COPB1: variants seen among roughly 807,000 people sequenced by gnomAD.
The protein encoded by COPB1 is coat protein complex I subunit beta 1, also known as coatomer subunit beta.
A neutral mutation model predicts 108.7 loss-of-function variants in COPB1; 21 were observed. The ratio of observed to expected loss-of-function variants is 0.19; its 90% confidence interval spans 0.14 to 0.28. The LOEUF is 0.28. Among genes scored for constraint, COPB1 ranks in the 10% least tolerant of loss-of-function variants. The pLI is 1.00. For synonymous variants in COPB1, 378 were observed against 386.8 expected (o/e 0.98, Z 0.27); for missense variants, 919 against 1,141.3 (o/e 0.81, Z 2.81).
intron 13 of COPB1, 70 bp downstream of exon 13, chr11:14,475,715 T>C (rs1850505921): frequency 1.5e-6 from 2 of 1,339,928 alleles, no homozygotes; most frequent in African/African-American, 1.5e-5. Flanking sequence ...AAGAAATCAT[T>C]TGACTGTCTT....
At chr11:14,474,805 C>G (rs1850483587) in intron 13 of COPB1, among the ~76,000 whole-genome samples, 190 bp from the exon 14 acceptor site, 1 of 152,068 alleles carries the variant, frequency 6.6e-6, no homozygotes, top group Non-Finnish European at 1.5e-5. Flanking sequence ...GACTTTAAAA[C>G]TTATCTTTGG....
At chr11:14,477,754 T>C (rs1429588266) in intron 11 of COPB1, among the ~76,000 whole-genome samples, 1 of 151,840 alleles carries the variant, frequency 6.6e-6, no homozygotes, top group East Asian at 1.9e-4. Flanking sequence ...AAAAATTTGC[T>C]GGATGCAGTG....
At chr11:14,460,321 A>G (rs1850116056) in intron 19 of COPB1, 24 bp from the exon 20 acceptor site, 4 of 1,425,902 alleles carry the variant, frequency 2.8e-6, no homozygotes. Context: ...AAAAAAGTCA[A>G]GGAGATCATA....
intron 4 of COPB1, 84 bp from the exon 5 acceptor site, chr11:14,490,763 AT>A: frequency 1.4e-6 from 1 of 709,118 alleles, no homozygotes; most frequent in Non-Finnish European, 2.3e-6. Context: ...CCAAAATTAA[AT>A]TTAATCAAAC....
intron 20 of COPB1, among the ~76,000 whole-genome samples, chr11:14,459,068 C>G (rs1316912247): frequency 2.0e-5 from 3 of 152,020 alleles, no homozygotes; most frequent in Non-Finnish European, 4.4e-5. Context: ...ACGCCCAGCC[C>G]CATTGGTTAT....
In COPB1 at chr11:14,482,885, T is replaced by C. The variant is rs1169820177; in HGVS notation, c.957+147A>G. 10 of 625,786 alleles carry C rather than the reference T, an allele frequency of 1.6e-5. No individual in the cohort carries two copies. The Middle Eastern group carries it at 1.0e-3, about 64-fold the overall frequency. The allele number at this position is 625,786 out of a possible 1,614,324, so 38.8% of individuals were successfully genotyped here. Reference sequence around the variant, plus strand: ...AAGATAATACCCCAAAAGGCTATGATGACTCAATAGTTAACACTTTAGCTG... The same window carrying C: ...AAGATAATACCCCAAAAGGCTATGACGACTCAATAGTTAACACTTTAGCTG... On this transcript the variant is annotated intron_variant, in intron 8 of 21. Coordinates refer to ENST00000439561, the MANE Select transcript of COPB1 (RefSeq NM_001144061.2).
At chr11:14,478,011 CA>C (rs1850566426) in intron 11 of COPB1, among the ~76,000 whole-genome samples, 2 of 140,468 alleles carry the variant, frequency 1.4e-5, no homozygotes, top group Admixed American at 7.0e-5. Flanking sequence ...GTCTCAATAA[CA>C]AAAAAACAAA....
chr11:14,498,036 T>C (rs1264802174), intron 2 of COPB1, among the ~76,000 whole-genome samples: 1 of 151,682 alleles, frequency 6.6e-6, no homozygotes, highest in Non-Finnish European at 1.5e-5. Context: ...TTATCAGAGG[T>C]GGGAAGGGTA....
chr11:14,481,133 T>C, intron 8 of COPB1, 36 bp from the exon 9 acceptor site: 1 of 1,505,190 alleles, frequency 6.6e-7, no homozygotes, highest in Non-Finnish European at 9.1e-7. Flanking sequence ...TTAACACCAA[T>C]CTTTCTGGTC....
chr11:14,473,015 C>T (rs1850441018), intron 14 of COPB1, among the ~76,000 whole-genome samples: 1 of 152,086 alleles, frequency 6.6e-6, no homozygotes, highest in South Asian at 2.1e-4. Flanking sequence ...TGTTCTGTCT[C>T]CCAGGCTGGA....
At position 14,486,586 on chromosome 11, in the gene COPB1, TG is replaced by T. The variant is rs1850781709; in HGVS notation, c.700-83del. On this transcript the variant is annotated intron_variant, in intron 6 of 21. Transcript: ENST00000439561. The stretch of plus-strand genomic sequence containing the variant: ...GAGTTTTTTCATGAATGTCAGCTTA[TG>T]GGATGCTAGTTTTCTCAATATGAAA... 38 of 1,533,914 alleles carry T rather than the reference TG, an allele frequency of 2.5e-5. No individual in the cohort carries two copies. In the South Asian group the frequency reaches 4.5e-4, roughly 18 times the overall value.
At chr11:14,457,962 AT>A in intron 21 of COPB1, 79 bp from the exon 22 acceptor site, 1 of 763,712 alleles carries the variant, frequency 1.3e-6, no homozygotes, top group Non-Finnish European at 2.0e-6. Flanking sequence ...TTAAGCCCCA[AT>A]TCAATTCAAT....
chr11:14,474,572 C>A lies in COPB1; in HGVS notation c.1660G>T (p.Ala554Ser). 6.2e-7 allele frequency: 1 copy of A among 1,613,906 alleles called. No homozygotes were observed. The highest frequency in any genetic ancestry group is 1.1e-5 in the South Asian group (1 of 91,084). Residue 554 changes from alanine to serine, a missense_variant, in exon 14 of 22, where the codon GCT becomes TCT. Ala to Ser is a moderately conservative substitution (Grantham distance 99). This residue lies in a region of COPB1 where 705 missense variants were observed against 817.8 expected (regional missense o/e 0.86). Coordinates refer to ENST00000439561, the MANE Select transcript of COPB1 (RefSeq NM_001144061.2). ...GTCAGAGTTGTGGCAAGGGAGGCAG[C>A]AACAAAGAAATCTCCATCCAGAAGG... The part of the protein sequence containing the change: ...GFLLDGDFFV[A>S]ASLATTLTKI...
At chr11:14,464,345 T>C (rs1850229993) in intron 18 of COPB1, among the ~76,000 whole-genome samples, 1 of 152,210 alleles carries the variant, frequency 6.6e-6, no homozygotes, top group African/African-American at 2.4e-5. Context: ...TCACAGTACT[T>C]ACCATTACAT....
chr11:14,464,790 T>G lies in COPB1; in HGVS notation c.2410+121A>C, dbSNP rs1033571493. 7 of 1,044,860 alleles carry G rather than the reference T, an allele frequency of 6.7e-6. No homozygotes were observed. In the African/African-American group the frequency reaches 9.6e-5, roughly 14 times the overall value. The allele number at this position is 1,044,860 out of a possible 1,614,324, so 64.7% of individuals were successfully genotyped here. A position where few individuals can be genotyped will look rare whatever the true frequency, so the allele number is the denominator to read the frequency against. The stretch of plus-strand genomic sequence containing the variant: ...TCAATGCGTGGTACCATAGAGAGTA[T>G]CTCATAAATTATGAATAAATGGATT... On this transcript the variant is annotated intron_variant, in intron 18 of 21. Coordinates refer to ENST00000439561, the MANE Select transcript of COPB1 (RefSeq NM_001144061.2).
At chr11:14,475,644 C>T (rs1284358915) in intron 13 of COPB1, 141 bp downstream of exon 13, 5 of 719,546 alleles carry the variant, frequency 6.9e-6, no homozygotes, top group African/African-American at 1.8e-5. Context: ...CTTAAACATC[C>T]TCCGCTTCTC....
chr11:14,482,540 A>T (rs1434764345), intron 8 of COPB1, among the ~76,000 whole-genome samples: 2 of 147,240 alleles, frequency 1.4e-5, no homozygotes, highest in Non-Finnish European at 3.0e-5. Context: ...TTAGAAAAAC[A>T]TTTTTTTTTT....
At chr11:14,467,108 C>T (rs1253913089) in intron 16 of COPB1, among the ~76,000 whole-genome samples, 1 of 152,012 alleles carries the variant, frequency 6.6e-6, no homozygotes, top group Admixed American at 6.6e-5. Flanking sequence ...AGGCAACTCA[C>T]AGAATGGAAG....
At chr11:14,472,429 CAG>C (rs1358954742) in intron 14 of COPB1, among the ~76,000 whole-genome samples, 2 of 152,172 alleles carry the variant, frequency 1.3e-5, no homozygotes, top group African/African-American at 4.8e-5. Context: ...AGAGCACAGA[CAG>C]AGTTGATTAA....
Sources: gnomAD v4.1 joint callset for allele counts (sites outside exome capture counted in the v4.1 genomes callset) on GRCh38, gnomAD v4.1.1 for gene constraint, gnomAD v4.1.1 regional missense constraint, MANE v1.5 for transcripts, NCBI Gene and HGNC (gene_info 2026-07-23, HGNC 2026-07-21) for gene names.